NEK8: variants seen among roughly 807,000 people sequenced by gnomAD.
NEK8 encodes NIMA related kinase 8.
Under a neutral mutation model 77.2 loss-of-function variants are expected in NEK8, and 51 were observed. The observed-to-expected ratio is 0.66, with a 90% confidence interval of 0.53 to 0.83. The LOEUF (loss-of-function observed/expected upper bound fraction) is 0.83, where lower values mean the gene tolerates loss of function less well. Ranked by LOEUF, NEK8 falls within the 40% of genes least tolerant of loss-of-function variation. The pLI is 0.00. For synonymous variants in NEK8, 365 were observed against 363.2 expected (o/e 1.00, Z -0.06); for missense variants, 787 against 909.2 (o/e 0.87, Z 1.73).
Position 28,742,071 on chromosome 17 carries a change from T to C in NEK8, c.*84T>C. 7.7e-7 allele frequency: 1 copy of C among 1,298,212 alleles called. No homozygotes were observed. Among genetic ancestry groups the C allele is most frequent in the Non-Finnish European group, 1.1e-6 (1 of 891,642 alleles). The allele number at this position is 1,298,212 out of a possible 1,614,324, so 80.4% of individuals were successfully genotyped here. On this transcript the variant is annotated 3_prime_UTR_variant, in exon 15 of 15. Coordinates refer to ENST00000268766, the MANE Select transcript of NEK8 (RefSeq NM_178170.3). ...AAGTGCAGGTGCCCAAGGCATGACTTGCAGCTGTCTCCTGGATTGTGTCAT... is the reference window on the plus strand; with the variant it reads ...AAGTGCAGGTGCCCAAGGCATGACTCGCAGCTGTCTCCTGGATTGTGTCAT...
Position 28,737,653 on chromosome 17 carries a change from T to C in NEK8, c.828-22T>C, listed in dbSNP as rs781376608. ...GGAATGTCAGGAGGGTCTTTGTCCT[T>C]AGGCCCCCATCTGTCCTGCAGGGCA... On this transcript the variant is annotated intron_variant, in intron 5 of 14. Transcript: ENST00000268766. This position sits in a 1 kb window ranked among gnomAD's most constrained non-coding sequence, Gnocchi z 4.8. The C allele has an allele frequency of 1.2e-6, 2 of 1,614,116 alleles. No individual in the cohort carries two copies. The highest frequency in any genetic ancestry group is 3.3e-5 in the Admixed American group (2 of 60,016).
intron 10 of NEK8, among the ~76,000 whole-genome samples, chr17:28,739,510 C>T (rs572248283): frequency 2.0e-5 from 3 of 152,268 alleles, no homozygotes; most frequent in South Asian, 2.1e-4. Context: ...AGTGCAGTGG[C>T]GTGATCTCAG....
At chr17:28,734,513 A>T in intron 2 of NEK8, 1 of 566,432 alleles carries the variant, frequency 1.8e-6, no homozygotes, top group Non-Finnish European at 3.1e-6. Context: ...GTCTCTACTA[A>T]AAATACAAAA....
In NEK8 at chr17:28,742,130, T is replaced by A; in HGVS notation, c.*143T>A. On this transcript the variant is annotated 3_prime_UTR_variant, in exon 15 of 15. Coordinates refer to ENST00000268766, the MANE Select transcript of NEK8 (RefSeq NM_178170.3). The stretch of plus-strand genomic sequence containing the variant: ...ATCAGGGCTGGCAAAACCCCTGCTC[T>A]GCTTTTGGCCTTGGATATGGAAACC... The A allele has an allele frequency of 1.2e-6, 1 of 865,098 alleles. No individual in the cohort carries two copies. Among genetic ancestry groups the A allele is most frequent in the Admixed American group, 1.7e-5 (1 of 58,096 alleles). The allele number at this position is 865,098 out of a possible 1,614,324, so 53.6% of individuals were successfully genotyped here.
Position 28,742,120 on chromosome 17 carries a change from A to G in NEK8, c.*133A>G. The stretch of plus-strand genomic sequence containing the variant: ...ATCATGGGGTATCAGGGCTGGCAAA[A>G]CCCCTGCTCTGCTTTTGGCCTTGGA... On this transcript the variant is annotated 3_prime_UTR_variant, in exon 15 of 15. Transcript: ENST00000268766. 1 of 914,538 alleles carries G rather than the reference A, an allele frequency of 1.1e-6. No individual in the cohort carries two copies. The highest frequency in any genetic ancestry group is 1.3e-5 in the South Asian group (1 of 77,254). The allele number at this position is 914,538 out of a possible 1,614,324, so 56.7% of individuals were successfully genotyped here.
intron 1 of NEK8, among the ~76,000 whole-genome samples, chr17:28,731,279 C>T (rs2034303747): frequency 1.3e-5 from 2 of 151,950 alleles, no homozygotes; most frequent in African/African-American, 4.8e-5. Context: ...GGGGGTCATG[C>T]CTGTAATCCC....
chr17:28,741,120 A>G lies in NEK8; in HGVS notation c.1775A>G (p.Gln592Arg). ...ACTTTTGGCAGCAATCAGCACGGAC[A>G]GTTGGGCACCAATACTCGCCGAGGC... ...CYTFGSNQHG[Q>R]LGTNTRRGSR... Residue 592 changes from glutamine (Q) to arginine (R), a missense_variant, in exon 13 of 15, where the codon CAG (glutamine) becomes CGG (arginine). Around this residue, in one of 2 missense-constraint regions of NEK8, gnomAD observed 516 missense variants for 544.0 expected, o/e 0.95. Transcript: ENST00000268766. This position sits in a 1 kb window ranked among gnomAD's most constrained non-coding sequence, Gnocchi z 4.5. The G allele has an allele frequency of 6.2e-7, 1 of 1,614,180 alleles. No homozygotes were observed. The highest frequency in any genetic ancestry group is 1.7e-5 in the Admixed American group (1 of 60,024).
Position 28,733,964 on chromosome 17 carries a change from C to G in NEK8, c.48-19C>G. 1.2e-6 allele frequency: 2 copies of G among 1,611,984 alleles called. No homozygotes were observed. Among genetic ancestry groups the G allele is most frequent in the Non-Finnish European group, 1.7e-6 (2 of 1,178,390 alleles). ...TGGAGGCTTAGCTGGTAACCTGTCC[C>G]TGTCCTCCGTATCCCTAGGATTGTG... On this transcript the variant is annotated intron_variant, in intron 1 of 14. Coordinates refer to ENST00000268766, the MANE Select transcript of NEK8 (RefSeq NM_178170.3).
Position 28,740,505 on chromosome 17 carries a change from A to C in NEK8, c.1460A>C (p.Gln487Pro). 6.2e-6 allele frequency: 10 copies of C among 1,614,120 alleles called. No homozygotes were observed. Among genetic ancestry groups the C allele is most frequent in the Non-Finnish European group, 8.5e-6 (10 of 1,179,992 alleles). ...ACCAGGGAGTCCCACAGCTGCCCCC[A>C]GCAGGTGCCCATGCCCCCAGGACAG... ...LGTRESHSCP[Q>P]QVPMPPGQEA... The change falls in exon 11 of 15, where the codon CAG becomes CCG. Residue 487 changes from glutamine to proline, a missense_variant. Coordinates refer to ENST00000268766, the MANE Select transcript of NEK8 (RefSeq NM_178170.3). This position sits in a 1 kb window ranked among gnomAD's most constrained non-coding sequence, Gnocchi z 4.7.
intron 8 of NEK8, 25 bp from the exon 9 acceptor site, chr17:28,738,643 TCTC>T (rs779297065): frequency 6.2e-7 from 1 of 1,607,430 alleles, no homozygotes. Context: ...TTCTTTCCCT[TCTC>T]CTTCCTCACT....
rs1330012579 is a variant in NEK8, at chr17:28,737,899, C to T, written c.970C>T (p.Pro324Ser). 1.9e-6 allele frequency: 3 copies of T among 1,613,710 alleles called. No individual in the cohort carries two copies. The highest frequency in any genetic ancestry group is 2.5e-6 in the Non-Finnish European group (3 of 1,179,986). ...TGCCTGGGGTGGTGGGCTGGGCACC[C>T]CCCTGCGGCTGCCAATGCTCAACAC... ...VYAWGGGLGT[P>S]LRLPMLNTEV... Residue 324 changes from proline to serine, a missense_variant, in exon 7 of 15, where the codon CCC (proline) becomes TCC (serine). Transcript: ENST00000268766. This position sits in a 1 kb window ranked among gnomAD's most constrained non-coding sequence, Gnocchi z 4.8.
Position 28,734,801 on chromosome 17 carries a change from C to T in NEK8, c.283C>T (p.Arg95Cys), listed in dbSNP as rs2034346277. Reference sequence around the variant, plus strand: ...CACTCTGGCTGAGTTCATCCAAAAGCGCTGTAATTCCCTGCTGGAGGAGGA... The same window carrying T: ...CACTCTGGCTGAGTTCATCCAAAAGTGCTGTAATTCCCTGCTGGAGGAGGA... ...GGTLAEFIQK[R>C]CNSLLEEETI... is the part of the protein sequence containing the mutation. The change falls in exon 3 of 15, where the codon CGC becomes TGC. Residue 95 changes from arginine to cysteine, a missense_variant. Arg to Cys is a radical substitution (Grantham distance 180). Around this residue, in one of 2 missense-constraint regions of NEK8, gnomAD observed 271 missense variants for 365.1 expected, o/e 0.74. Transcript: ENST00000268766. The T allele has an allele frequency of 6.2e-6, 10 of 1,613,664 alleles. No homozygotes were observed. The highest frequency in any genetic ancestry group is 2.2e-5 in the East Asian group (1 of 44,882).
In NEK8 at chr17:28,728,950, G is replaced by A. The variant is rs573732996; in HGVS notation, c.47+90G>A. 4,037 of 1,215,724 alleles carry A rather than the reference G, an allele frequency of 3.3e-3. 25 individuals carry two copies. The highest frequency in any genetic ancestry group is 7.6e-3 in the South Asian group (588 of 77,338). 75.3% of individuals were successfully genotyped at this position (1,215,724 alleles called of 1,614,324 possible). A position where few individuals can be genotyped will look rare whatever the true frequency, so the allele number is the denominator to read the frequency against. On this transcript the variant is annotated intron_variant, in intron 1 of 14. Coordinates refer to ENST00000268766, the MANE Select transcript of NEK8 (RefSeq NM_178170.3). Reference sequence around the variant, plus strand: ...GCGAAGTCGCCGCCCGCCTAATCCCGCCCCAAGGCGTGAGCGCCACTCTGG... The same window carrying A: ...GCGAAGTCGCCGCCCGCCTAATCCCACCCCAAGGCGTGAGCGCCACTCTGG...
At chr17:28,730,129 TTGAGACG>T (rs2034292542) in intron 1 of NEK8, among the ~76,000 whole-genome samples, 4 of 152,168 alleles carry the variant, frequency 2.6e-5, no homozygotes, top group African/African-American at 7.2e-5. Context: ...GTTTTTGTTT[TTGAGACG>T]GAGTCTTGCA....
intron 9 of NEK8, 80 bp downstream of exon 9, chr17:28,738,827 G>T: frequency 8.6e-7 from 1 of 1,162,738 alleles, no homozygotes; most frequent in East Asian, 2.4e-5. Flanking sequence ...ACCAGATTGG[G>T]GGCAGGGGAG....
chr17:28,728,924 C>A, intron 1 of NEK8, 64 bp downstream of exon 1: 2 of 1,411,294 alleles, frequency 1.4e-6, no homozygotes, highest in Non-Finnish European at 2.0e-6. Context: ...CAATTCCGCC[C>A]GCGAAGTCGC....
chr17:28,739,421 G>A (rs2034398513), intron 10 of NEK8, among the ~76,000 whole-genome samples: 1 of 152,158 alleles, frequency 6.6e-6, no homozygotes, highest in Non-Finnish European at 1.5e-5. Context: ...TGTTTATGAG[G>A]TAATGAAGGA....
Position 28,740,352 on chromosome 17 carries a change from G to A in NEK8, c.1418-111G>A, listed in dbSNP as rs1312440614. ...AGAGGGGCCTAGGAAAGGCATTTGG[G>A]ACTGAGAGAACAGAGAACTCATGCT... On this transcript the variant is annotated intron_variant, in intron 10 of 14. Transcript: ENST00000268766. This position sits in a 1 kb window ranked among gnomAD's most constrained non-coding sequence, Gnocchi z 4.7. 2.2e-6 allele frequency: 2 copies of A among 895,222 alleles called. No individual in the cohort carries two copies. The highest frequency in any genetic ancestry group is 3.8e-6 in the Non-Finnish European group (2 of 530,042). The allele number at this position is 895,222 out of a possible 1,614,324, so 55.5% of individuals were successfully genotyped here.
Position 28,740,849 on chromosome 17 carries a change from C to T in NEK8, c.1596C>T (p.Leu532=), listed in dbSNP as rs1203651567. 2 of 1,613,962 alleles carry T rather than the reference C, an allele frequency of 1.2e-6. No homozygotes were observed. The highest frequency in any genetic ancestry group is 2.2e-5 in the East Asian group (1 of 44,896). The change falls in exon 12 of 15, where the codon CTC becomes CTT. Residue 532 remains leucine, a synonymous_variant. Coordinates refer to ENST00000268766, the MANE Select transcript of NEK8 (RefSeq NM_178170.3). This position sits in a 1 kb window ranked among gnomAD's most constrained non-coding sequence, Gnocchi z 4.7. Reference sequence around the variant, plus strand: ...TCAACAAGCTGGGCCTGGACCACCTCTCCCTGGGGGAGGAGCCTGTCCCCC... The same window carrying T: ...TCAACAAGCTGGGCCTGGACCACCTTTCCCTGGGGGAGGAGCCTGTCCCCC... ...NRFNKLGLDH[L]SLGEEPVPHQ...
Sources: gnomAD v4.1 joint callset for allele counts (sites outside exome capture counted in the v4.1 genomes callset) on GRCh38, gnomAD v4.1.1 for gene constraint, gnomAD v4.1.1 regional missense constraint, Gnocchi (gnomAD v3.1) non-coding constraint, MANE v1.5 for transcripts, NCBI Gene and HGNC (gene_info 2026-07-23, HGNC 2026-07-21) for gene names.